The following PRKCE variants were observed in gnomAD, a reference collection of about 807,000 sequenced individuals.
The protein encoded by PRKCE is protein kinase C epsilon.
PRKCE carries 16 observed loss-of-function variants against 85.4 expected under a neutral mutation model. The observed-to-expected ratio is 0.19, with a 90% CI of 0.13 to 0.28. The LOEUF is 0.28. Among genes scored for constraint, PRKCE ranks in the 10% least tolerant of loss-of-function variants. The pLI is 1.00. For synonymous variants in PRKCE, 388 were observed against 371.5 expected (o/e 1.04, Z -0.51); for missense variants, 573 against 975.2 (o/e 0.59, Z 5.49).
At chr2:45,667,086 G>A (rs531802788) in intron 1 of PRKCE, among the ~76,000 whole-genome samples, 5 of 152,216 alleles carry the variant, frequency 3.3e-5, no homozygotes, top group African/African-American at 9.6e-5. Flanking sequence ...CGGGGCGGGC[G>A]AATCACCTGA....
chr2:45,843,166 A>C (rs1691500488), intron 2 of PRKCE, 103 bp downstream of exon 2: 3 of 1,002,714 alleles, frequency 3.0e-6, no homozygotes, highest in Non-Finnish European at 4.6e-6. Context: ...AGTGACATTT[A>C]ATTAATTGGC....
At chr2:45,799,730 CT>C (rs1687711172) in intron 1 of PRKCE, among the ~76,000 whole-genome samples, 1 of 152,154 alleles carries the variant, frequency 6.6e-6, no homozygotes, top group South Asian at 2.1e-4. Context: ...CCTGTTGTCC[CT>C]AGTCTGCGGA....
At chr2:45,899,006 C>T (rs888130792) in intron 2 of PRKCE, among the ~76,000 whole-genome samples, 2 of 152,250 alleles carry the variant, frequency 1.3e-5, no homozygotes, top group Admixed American at 6.5e-5. Flanking sequence ...CTTACATGTT[C>T]ATTCCTGGCT....
intron 2 of PRKCE, among the ~76,000 whole-genome samples, chr2:45,904,708 A>T (rs1022590900): frequency 6.6e-6 from 1 of 152,174 alleles, no homozygotes. Context: ...CCCTTTCTGG[A>T]AACCGTCTCC....
Position 45,703,129 on chromosome 2 carries a change from T to A in PRKCE, c.348+50681T>A, listed in dbSNP as rs56155715. On this transcript the variant is annotated intron_variant, in intron 1 of 14. Coordinates refer to ENST00000306156, the MANE Select transcript of PRKCE (RefSeq NM_005400.3). Reference sequence around the variant, plus strand: ...TCCTCAGCTTCTGTTTTATTTATTTTTTTTTTTTGTATTTCTGATGGCTGT... The same window carrying A: ...TCCTCAGCTTCTGTTTTATTTATTTATTTTTTTTGTATTTCTGATGGCTGT... Among the ~76,000 whole-genome samples the A allele has an allele frequency of 2.5e-3, 377 of 148,740 alleles. 2 individuals carry two copies. Among genetic ancestry groups the A allele is most frequent in the Non-Finnish European group, 3.3e-3 (217 of 66,038 alleles).
chr2:45,776,621 T>G (rs1231306198), intron 1 of PRKCE, among the ~76,000 whole-genome samples: 2 of 152,216 alleles, frequency 1.3e-5, no homozygotes, highest in African/African-American at 2.4e-5. Context: ...GACCTGCCTG[T>G]GAGAACTATT....
At chr2:46,075,141 C>A (rs972454938) in intron 10 of PRKCE, among the ~76,000 whole-genome samples, 11 of 152,088 alleles carry the variant, frequency 7.2e-5, no homozygotes, top group Non-Finnish European at 1.3e-4. Context: ...CCTGGTTTCA[C>A]GCCGTTCTCC....
At chr2:45,835,642 G>A (rs1048680053) in intron 1 of PRKCE, among the ~76,000 whole-genome samples, 3 of 150,910 alleles carry the variant, frequency 2.0e-5, no homozygotes, top group East Asian at 1.9e-4. Flanking sequence ...CTAGGCTGGA[G>A]TGCAGTTGTG....
intron 2 of PRKCE, among the ~76,000 whole-genome samples, chr2:45,973,479 A>C (rs1270334180): frequency 1.3e-5 from 2 of 152,168 alleles, no homozygotes; most frequent in African/African-American, 4.8e-5. Context: ...CTGACATCAA[A>C]TCTGACTTAA....
At chr2:45,690,041 C>T (rs891937512) in intron 1 of PRKCE, among the ~76,000 whole-genome samples, 3 of 152,032 alleles carry the variant, frequency 2.0e-5, no homozygotes, top group African/African-American at 7.2e-5. Flanking sequence ...TGGAAACAAA[C>T]AGGAAAATCA....
intron 14 of PRKCE, among the ~76,000 whole-genome samples, chr2:46,176,314 G>A (rs776114105): frequency 8.6e-5 from 13 of 151,986 alleles, no homozygotes; most frequent in African/African-American, 2.2e-4. Flanking sequence ...AGCTCCGTGC[G>A]TTGAAGCTCC....
At position 45,799,311 on chromosome 2, in the gene PRKCE, A is replaced by G. The variant is rs114918396; in HGVS notation, c.349-43689A>G. Among the ~76,000 whole-genome samples the G allele has an allele frequency of 5.3e-3, 806 of 152,348 alleles. 12 individuals are homozygous for G. The highest frequency in any genetic ancestry group is 0.019 in the African/African-American group (778 of 41,566). On this transcript the variant is annotated intron_variant, in intron 1 of 14. Transcript: ENST00000306156. Reference sequence around the variant, plus strand: ...CTCATTTTCAGTGATCTAAAGAATTACACAAGGAAATTTAATTATATTCAA... The same window carrying G: ...CTCATTTTCAGTGATCTAAAGAATTGCACAAGGAAATTTAATTATATTCAA...
At chr2:45,854,929 A>G (rs896835583) in intron 2 of PRKCE, among the ~76,000 whole-genome samples, 2 of 152,228 alleles carry the variant, frequency 1.3e-5, no homozygotes, top group African/African-American at 4.8e-5. Context: ...AGTTTAATGT[A>G]TGGAAAAAGT....
At chr2:45,859,419 C>T (rs1315392875) in intron 2 of PRKCE, among the ~76,000 whole-genome samples, 1 of 152,126 alleles carries the variant, frequency 6.6e-6, no homozygotes, top group Non-Finnish European at 1.5e-5. Flanking sequence ...GTGATTTTAC[C>T]AGTTGATGCC....
At chr2:45,941,218 T>G (rs976365009) in intron 2 of PRKCE, among the ~76,000 whole-genome samples, 1 of 152,186 alleles carries the variant, frequency 6.6e-6, no homozygotes, top group Non-Finnish European at 1.5e-5. Flanking sequence ...TGTGGCCACT[T>G]GCTCATGGAT....
chr2:45,796,357 C>T (rs928431007), intron 1 of PRKCE, among the ~76,000 whole-genome samples: 4 of 152,014 alleles, frequency 2.6e-5, no homozygotes, highest in Admixed American at 6.6e-5. Context: ...ATGTGTCAAC[C>T]GAAGATAATA....
chr2:45,913,172 G>C lies in PRKCE; in HGVS notation c.413-63257G>C, dbSNP rs547707864. On this transcript the variant is annotated intron_variant, in intron 2 of 14. Transcript: ENST00000306156. ...GACAAGCTCTTTTCTTTTGAGACAG[G>C]GTCTCGCTTTGTTACCCAGGCTGGA... Among the ~76,000 whole-genome samples, 4 of 152,226 alleles carry C rather than the reference G, an allele frequency of 2.6e-5. No individual in the cohort carries two copies. The South Asian group carries it at 8.3e-4, about 32-fold the overall frequency.
At chr2:45,893,158 C>T (rs546419912) in intron 2 of PRKCE, among the ~76,000 whole-genome samples, 6 of 152,214 alleles carry the variant, frequency 3.9e-5, no homozygotes, top group South Asian at 2.1e-4. Context: ...GCACATGCAG[C>T]GCTCAGTTGA....
chr2:46,080,204 C>T (rs1277523979), intron 10 of PRKCE, among the ~76,000 whole-genome samples: 5 of 152,146 alleles, frequency 3.3e-5, no homozygotes. Flanking sequence ...CTCAGAATGA[C>T]TTGAGGTTCT....
Sources: gnomAD v4.1 joint callset for allele counts (sites outside exome capture counted in the v4.1 genomes callset) on GRCh38, gnomAD v4.1.1 for gene constraint, MANE v1.5 for transcripts, NCBI Gene and HGNC (gene_info 2026-07-23, HGNC 2026-07-21) for gene names.